Variants in RBM20 observed in about 807,000 individuals in gnomAD.
The protein encoded by RBM20 is RNA-binding protein 20.
A neutral mutation model predicts 110.1 loss-of-function variants in RBM20; 51 were observed. The ratio of observed to expected loss-of-function variants is 0.46; its 90% CI spans 0.37 to 0.59. The LOEUF is 0.59. Ranked by LOEUF, RBM20 falls within the 20% of genes least tolerant of loss-of-function variation. The pLI is 0.00. For missense variants in RBM20, 1,512 were observed against 1,574.9 expected (o/e 0.96, Z 0.68); for synonymous variants, 589 against 618.2 (o/e 0.95, Z 0.70).
At chr10:110,695,998 T>C (rs1294193883) in intron 1 of RBM20, among the ~76,000 whole-genome samples, 2 of 152,230 alleles carry the variant, frequency 1.3e-5, no homozygotes, top group East Asian at 3.8e-4. Flanking sequence ...TGGAGGTCCC[T>C]GGACCAGCAG....
At chr10:110,658,120 A>G (rs1862050330) in intron 1 of RBM20, among the ~76,000 whole-genome samples, 2 of 152,236 alleles carry the variant, frequency 1.3e-5, no homozygotes, top group East Asian at 1.9e-4. Context: ...AAAGACAACA[A>G]AACTGCAGAA....
At chr10:110,747,379 A>G (rs1305230299) in intron 1 of RBM20, among the ~76,000 whole-genome samples, 8 of 151,688 alleles carry the variant, frequency 5.3e-5, no homozygotes, top group Non-Finnish European at 8.8e-5. Context: ...GATCCTGCCC[A>G]GGCTCAAAGC....
chr10:110,834,748 C>T (rs1456049267), intron 13 of RBM20, among the ~76,000 whole-genome samples: 2 of 152,210 alleles, frequency 1.3e-5, no homozygotes, highest in African/African-American at 4.8e-5. Flanking sequence ...ACTTAACCAC[C>T]GTACTGGTCT....
chr10:110,815,323 C>CT (rs533521994), intron 9 of RBM20, among the ~76,000 whole-genome samples: 17 of 152,264 alleles, frequency 1.1e-4, no homozygotes, highest in African/African-American at 2.6e-4. Context: ...ACCCAGTAGT[C>CT]TTTTTTTGCC....
At chr10:110,655,734 A>G (rs1862014205) in intron 1 of RBM20, among the ~76,000 whole-genome samples, 1 of 152,208 alleles carries the variant, frequency 6.6e-6, no homozygotes, top group Non-Finnish European at 1.5e-5. Context: ...GTCTGTAACA[A>G]CCAGACTGAA....
intron 1 of RBM20, among the ~76,000 whole-genome samples, chr10:110,688,523 C>T (rs1708805876): frequency 6.6e-6 from 1 of 152,132 alleles, no homozygotes; most frequent in Non-Finnish European, 1.5e-5. Flanking sequence ...ATTTTTACTG[C>T]TTAGATTTGT....
intron 1 of RBM20, among the ~76,000 whole-genome samples, chr10:110,726,715 GT>G (rs200321934): frequency 0.033 from 4,965 of 152,272 alleles, 275 homozygotes; most frequent in African/African-American, 0.11. Flanking sequence ...CCACATTCAG[GT>G]GTTAGAAAGT....
chr10:110,650,938 GAT>G (rs1361314961), intron 1 of RBM20, among the ~76,000 whole-genome samples: 12 of 152,302 alleles, frequency 7.9e-5, no homozygotes, highest in Admixed American at 3.9e-4. Flanking sequence ...AGATCAGTCT[GAT>G]ATTTTCAGGT....
intron 6 of RBM20, among the ~76,000 whole-genome samples, chr10:110,798,435 T>C (rs1315464319): frequency 6.6e-6 from 1 of 152,240 alleles, no homozygotes; most frequent in Non-Finnish European, 1.5e-5. Context: ...CTCACTTGTC[T>C]CTGTTCCTAC....
chr10:110,765,305 G>C (rs755816899), intron 1 of RBM20, among the ~76,000 whole-genome samples: 11 of 151,914 alleles, frequency 7.2e-5, no homozygotes, highest in Non-Finnish European at 1.6e-4. Context: ...TGAACTTAAA[G>C]GTGTTTGAAA....
chr10:110,663,128 C>A (rs1862129808), intron 1 of RBM20, among the ~76,000 whole-genome samples: 1 of 152,124 alleles, frequency 6.6e-6, no homozygotes, highest in South Asian at 2.1e-4. Flanking sequence ...CCACACCCAG[C>A]TAATTTTTTT....
chr10:110,749,194 C>T (rs1391479656), intron 1 of RBM20, among the ~76,000 whole-genome samples: 2 of 152,276 alleles, frequency 1.3e-5, no homozygotes, highest in African/African-American at 4.8e-5. Flanking sequence ...ATAAATGAAG[C>T]ACAAGGATGG....
rs577572347 is a variant in RBM20 at position 110,834,038 on chromosome 10, C to T, written c.3574-1830C>T. ...AAAGGCAGGGAGCAGGTTGAAGGAGCCTCCGCTCTCTCTGAGCAGCCTGTG... is the reference window on the plus strand; with the variant it reads ...AAAGGCAGGGAGCAGGTTGAAGGAGTCTCCGCTCTCTCTGAGCAGCCTGTG... On this transcript the variant is annotated intron_variant, in intron 13 of 13. Coordinates refer to ENST00000369519, the MANE Select transcript of RBM20 (RefSeq NM_001134363.3). 2.0e-5 allele frequency among the ~76,000 whole-genome samples: 3 copies of T among 152,344 alleles called. No homozygotes were observed. The East Asian group carries it at 5.8e-4, about 29-fold the overall frequency.
In RBM20 at chr10:110,644,669, G is replaced by A. The variant is rs1362341706; in HGVS notation, c.191+24G>A. 1.4e-6 allele frequency: 2 copies of A among 1,448,898 alleles called. No homozygotes were observed. Among genetic ancestry groups the A allele is most frequent in the South Asian group, 1.4e-5 (1 of 72,570 alleles). 89.8% of individuals were successfully genotyped at this position (1,448,898 alleles called of 1,614,324 possible). On this transcript the variant is annotated intron_variant, in intron 1 of 13. Transcript: ENST00000369519. This position sits in a 1 kb window ranked among gnomAD's most constrained non-coding sequence, Gnocchi z 4.3. ...AAGTAAGAAGGGAGAAGGGAACAGG[G>A]ACCACGGGTGCGCCTGGGGACACGC...
intron 1 of RBM20, among the ~76,000 whole-genome samples, chr10:110,720,902 A>G (rs1055584293): frequency 5.3e-5 from 8 of 152,312 alleles, no homozygotes; most frequent in Non-Finnish European, 1.2e-4. Context: ...CAGGCCCTCC[A>G]TGGCCTTCAC....
chr10:110,732,661 G>A (rs1014450642), intron 1 of RBM20, among the ~76,000 whole-genome samples: 4 of 152,134 alleles, frequency 2.6e-5, no homozygotes, highest in African/African-American at 7.2e-5. Flanking sequence ...TGCCCTTGCC[G>A]TTCACACGCA....
chr10:110,677,971 T>G (rs966872205), intron 1 of RBM20, among the ~76,000 whole-genome samples: 1 of 152,248 alleles, frequency 6.6e-6, no homozygotes, highest in African/African-American at 2.4e-5. Context: ...AAGTATTTAC[T>G]GAACACCTAT....
At chr10:110,780,699 G>A in intron 1 of RBM20, 102 bp from the exon 2 acceptor site, 6 of 1,322,306 alleles carry the variant, frequency 4.5e-6, no homozygotes, top group Non-Finnish European at 6.0e-6. Flanking sequence ...AGTGTGGGAA[G>A]GTCTTGTTTA....
At chr10:110,778,983 A>C (rs962750761) in intron 1 of RBM20, among the ~76,000 whole-genome samples, 1 of 152,160 alleles carries the variant, frequency 6.6e-6, no homozygotes, top group South Asian at 2.1e-4. Context: ...TTTTACTTGT[A>C]ATTTTTTGGT....
Sources: allele counts gnomAD v4.1 joint callset (sites outside exome capture counted in the v4.1 genomes callset), GRCh38; gene constraint gnomAD v4.1.1; non-coding constraint Gnocchi (gnomAD v3.1); transcripts MANE v1.5; gene names NCBI Gene and HGNC (gene_info 2026-07-23, HGNC 2026-07-21).